The following CALN1 variants were observed in gnomAD, a reference collection of about 807,000 sequenced individuals.
CALN1 encodes the protein calneuron 1, also known as calcium-binding protein 8.
In CALN1, 17 loss-of-function variants were observed where a neutral mutation model predicts 30.6. The ratio of observed to expected loss-of-function variants is 0.56; its 90% CI spans 0.38 to 0.83. The LOEUF (loss-of-function observed/expected upper bound fraction) is 0.83, where lower values mean the gene tolerates loss of function less well. CALN1 is among the 40% of genes least tolerant of loss of function. The pLI is 0.00. For synonymous variants in CALN1, 156 were observed against 131.4 expected (o/e 1.19, Z -1.28); for missense variants, 291 against 354.9 (o/e 0.82, Z 1.45).
chr7:72,157,929 G>A (rs906196675), intron 3 of CALN1, among the ~76,000 whole-genome samples: 8 of 152,140 alleles, frequency 5.3e-5, no homozygotes, highest in African/African-American at 1.9e-4. Flanking sequence ...ATGTTTAATA[G>A]AGACAGGGTT....
chr7:72,113,528 C>T (rs1807722897), intron 3 of CALN1, among the ~76,000 whole-genome samples: 1 of 152,220 alleles, frequency 6.6e-6, no homozygotes, highest in Non-Finnish European at 1.5e-5. Flanking sequence ...GGCAATATTG[C>T]AATGGGCCTT....
chr7:72,046,709 T>TTA (rs1304045966), intron 4 of CALN1, among the ~76,000 whole-genome samples: 86 of 51,860 alleles, frequency 1.7e-3, no homozygotes, highest in African/African-American at 5.7e-3. Flanking sequence ...GACTCCCTCT[T>TTA]AAAAAAAAAA....
At chr7:72,175,297 T>A (rs1199827676) in intron 3 of CALN1, among the ~76,000 whole-genome samples, 1 of 152,042 alleles carries the variant, frequency 6.6e-6, no homozygotes, top group Non-Finnish European at 1.5e-5. Context: ...ATGGTCTCGA[T>A]CTCCTGACCT....
intron 3 of CALN1, among the ~76,000 whole-genome samples, chr7:72,168,990 G>C (rs1025995347): frequency 6.6e-6 from 1 of 151,744 alleles, no homozygotes; most frequent in African/African-American, 2.4e-5. Flanking sequence ...ATTTTTAGTA[G>C]AGACGGGATT....
chr7:71,932,329 C>A (rs1381910371), intron 5 of CALN1, among the ~76,000 whole-genome samples: 2 of 152,128 alleles, frequency 1.3e-5, no homozygotes, highest in Non-Finnish European at 2.9e-5. Flanking sequence ...GCACACACCA[C>A]CATGCCCAGC....
chr7:71,915,005 C>A lies in CALN1; in HGVS notation c.502-104513G>T, dbSNP rs149391492. Among the ~76,000 whole-genome samples, 651 of 152,282 alleles carry A rather than the reference C, an allele frequency of 4.3e-3. 4 individuals carry two copies. The highest frequency in any genetic ancestry group is 0.014 in the African/African-American group (579 of 41,548). ...CTCTTACTGAAGGATATATACCCTA[C>A]AACTAAACAATGGTGGCAACAGGAC... On this transcript the variant is annotated intron_variant, in intron 5 of 6. Coordinates refer to ENST00000395275, the MANE Select transcript of CALN1 (RefSeq NM_031468.4).
At chr7:71,807,842 G>T (rs111645685) in intron 6 of CALN1, among the ~76,000 whole-genome samples, 1 of 152,134 alleles carries the variant, frequency 6.6e-6, no homozygotes, top group Non-Finnish European at 1.5e-5. Context: ...TTGGGAGGCC[G>T]AGGTGGGCGG....
chr7:72,263,864 G>C (rs967327266), intron 3 of CALN1, among the ~76,000 whole-genome samples: 1 of 152,168 alleles, frequency 6.6e-6, no homozygotes, highest in African/African-American at 2.4e-5. Context: ...ACTGCCTCAA[G>C]GATGAAACAA....
At chr7:72,257,863 G>C (rs1397670126) in intron 3 of CALN1, among the ~76,000 whole-genome samples, 1 of 152,198 alleles carries the variant, frequency 6.6e-6, no homozygotes, top group Non-Finnish European at 1.5e-5. Context: ...AGTAACTCAG[G>C]AAGGGAAAGC....
At chr7:72,192,758 T>C (rs1038682359) in intron 3 of CALN1, among the ~76,000 whole-genome samples, 5 of 150,506 alleles carry the variant, frequency 3.3e-5, no homozygotes, top group African/African-American at 1.2e-4. Context: ...ACCCACTAAC[T>C]CGTCATCTAG....
intron 2 of CALN1, among the ~76,000 whole-genome samples, chr7:72,341,964 G>A (rs1240443455): frequency 1.3e-5 from 2 of 151,998 alleles, no homozygotes; most frequent in African/African-American, 4.8e-5. Flanking sequence ...AGCCTCAGAA[G>A]TAGAGAAGGC....
intron 3 of CALN1, among the ~76,000 whole-genome samples, chr7:72,251,936 A>C (rs1229584199): frequency 6.6e-6 from 1 of 152,180 alleles, no homozygotes; most frequent in Non-Finnish European, 1.5e-5. Flanking sequence ...AGGAAGTTTA[A>C]TTTTAAAAAT....
At chr7:71,959,192 G>C (rs1281405857) in intron 5 of CALN1, among the ~76,000 whole-genome samples, 1 of 152,172 alleles carries the variant, frequency 6.6e-6, no homozygotes, top group African/African-American at 2.4e-5. Flanking sequence ...GATGAGTCAG[G>C]TCTCATGGTT....
At chr7:71,882,138 TA>T (rs1333733943) in intron 5 of CALN1, among the ~76,000 whole-genome samples, 3 of 152,184 alleles carry the variant, frequency 2.0e-5, no homozygotes, top group African/African-American at 7.2e-5. Flanking sequence ...CTGGAAGCTC[TA>T]AGGCAGAATC....
chr7:72,448,485 G>C (rs1212393160), upstream of CALN1, among the ~76,000 whole-genome samples: 4 of 152,112 alleles, frequency 2.6e-5, no homozygotes, highest in Admixed American at 1.3e-4. Context: ...TGGTCCCTTT[G>C]TGAGCCTGTC....
At chr7:72,335,168 AC>A (rs1801929477) in intron 2 of CALN1, among the ~76,000 whole-genome samples, 1 of 152,184 alleles carries the variant, frequency 6.6e-6, no homozygotes, top group Admixed American at 6.5e-5. Flanking sequence ...CTCCCACCCC[AC>A]AAAAAATGAA....
At chr7:72,250,775 C>G (rs965623769) in intron 3 of CALN1, among the ~76,000 whole-genome samples, 2 of 152,096 alleles carry the variant, frequency 1.3e-5, no homozygotes, top group Non-Finnish European at 2.9e-5. Context: ...AGTAAAAGCT[C>G]CCTGAGGCCT....
chr7:71,816,613 G>T (rs1420212857), intron 5 of CALN1, among the ~76,000 whole-genome samples: 1 of 152,118 alleles, frequency 6.6e-6, no homozygotes, highest in Non-Finnish European at 1.5e-5. Context: ...CAAAAGATTG[G>T]TCAGGAGCAA....
At chr7:72,292,396 A>G (rs914794268) in intron 2 of CALN1, among the ~76,000 whole-genome samples, 1 of 150,182 alleles carries the variant, frequency 6.7e-6, no homozygotes, top group African/African-American at 2.5e-5. Context: ...ATTCCACCTC[A>G]TTAGTGAATG....
Sources: allele counts gnomAD v4.1 joint callset (sites outside exome capture counted in the v4.1 genomes callset), GRCh38; gene constraint gnomAD v4.1.1; transcripts MANE v1.5; gene names NCBI Gene and HGNC (gene_info 2026-07-23, HGNC 2026-07-21).